The following CBX3 variants were observed in gnomAD, a reference collection of about 807,000 sequenced individuals.
CBX3 encodes chromobox 3, also known as chromobox protein homolog 3.
In CBX3, 5 loss-of-function variants were observed where a neutral mutation model predicts 22.6. The ratio of observed to expected loss-of-function variants is 0.22; its 90% CI spans 0.12 to 0.47. The LOEUF (loss-of-function observed/expected upper bound fraction) is 0.47, where lower values mean the gene tolerates loss of function less well. Ranked by LOEUF, CBX3 falls within the 20% of genes least tolerant of loss-of-function variation. CBX3 has a pLI of 0.99. For missense variants in CBX3, 83 were observed against 208.1 expected (o/e 0.40, Z 3.70); for synonymous variants, 50 against 66.6 (o/e 0.75, Z 1.21).
intron 3 of CBX3, among the ~76,000 whole-genome samples, chr7:26,207,066 A>G (rs1310642922): frequency 2.0e-5 from 3 of 152,176 alleles, no homozygotes; most frequent in East Asian, 3.8e-4. Context: ...ACAATTACAT[A>G]CTTTAACGCT....
In CBX3 at chr7:26,205,260, A is replaced by C. The variant is rs78856917; in HGVS notation, c.25-1108A>C. On this transcript the variant is annotated intron_variant, in intron 2 of 5. Coordinates refer to ENST00000396386, the MANE Select transcript of CBX3 (RefSeq NM_016587.4). The stretch of plus-strand genomic sequence containing the variant: ...TTGAGCCATTGGAAAGAGCTGGTTC[A>C]CGTTGGTTTCCTGCTTCTCTTAAAT... 2.3e-4 allele frequency among the ~76,000 whole-genome samples: 35 copies of C among 152,278 alleles called. 1 individual carries two copies. In the East Asian group the frequency reaches 6.6e-3, roughly 29 times the overall value.
chr7:26,212,639 T>C lies in CBX3; in HGVS notation c.*431T>C, dbSNP rs1265570698. ...ATCCATAAAATGCATATGTAAATTT[T>C]TTTTTGTTTTTAAGCATTCACCCAA... On this transcript the variant is annotated 3_prime_UTR_variant, in exon 6 of 6. Coordinates refer to ENST00000396386, the MANE Select transcript of CBX3 (RefSeq NM_016587.4). The C allele has an allele frequency of 6.6e-6, 1 of 152,240 alleles. No individual in the cohort carries two copies. The highest frequency in any genetic ancestry group is 1.5e-5 in the Non-Finnish European group (1 of 68,058). 9.4% of individuals were successfully genotyped at this position (152,240 alleles called of 1,614,324 possible). A position where few individuals can be genotyped will look rare whatever the true frequency, so the allele number is the denominator to read the frequency against.
At chr7:26,202,609 T>C (rs1009447762) in intron 1 of CBX3, 3 of 234,508 alleles carry the variant, frequency 1.3e-5, no homozygotes, top group Non-Finnish European at 2.5e-5. Context: ...GCTTTACCGT[T>C]GTGAGTTGTT....
chr7:26,207,339 T>TTTAA (rs1784701833), intron 3 of CBX3, among the ~76,000 whole-genome samples: 1 of 152,190 alleles, frequency 6.6e-6, no homozygotes, highest in Non-Finnish European at 1.5e-5. Context: ...TATTCTTAGT[T>TTTAA]TAAATTAAGT....
rs1391550415 is a variant in CBX3, at chr7:26,211,689, G to A, written c.358G>A (p.Gly120Ser). Residue 120 changes from glycine to serine, a missense_variant, in exon 5 of 6, where the codon GGT (glycine) becomes AGT (serine). Gly to Ser is a moderately conservative substitution (Grantham distance 56). Coordinates refer to ENST00000396386, the MANE Select transcript of CBX3 (RefSeq NM_016587.4). ...AADKPRGFAR[G>S]LDPERIIGAT... is the part of the protein sequence containing the mutation. ...TGACAAACCAAGAGGATTTGCCAGAGGTCTTGATCCTGAAAGAATAATTGG... is the reference window on the plus strand; with the variant it reads ...TGACAAACCAAGAGGATTTGCCAGAAGTCTTGATCCTGAAAGAATAATTGG... 6.2e-7 allele frequency: 1 copy of A among 1,610,572 alleles called. No individual in the cohort carries two copies. The highest frequency in any genetic ancestry group is 8.5e-7 in the Non-Finnish European group (1 of 1,178,572).
intron 2 of CBX3, among the ~76,000 whole-genome samples, chr7:26,204,119 A>G (rs1392279021): frequency 2.6e-5 from 4 of 152,186 alleles, no homozygotes; most frequent in African/African-American, 9.7e-5. Flanking sequence ...CCACTTTTGG[A>G]AAAAAGTGCT....
chr7:26,205,875 C>T (rs1331283413), intron 2 of CBX3, among the ~76,000 whole-genome samples: 1 of 152,198 alleles, frequency 6.6e-6, no homozygotes, highest in Non-Finnish European at 1.5e-5. Context: ...CACTTCAGGT[C>T]AGGAGTTTGA....
At chr7:26,208,917 C>CTT (rs59657982) in intron 4 of CBX3, among the ~76,000 whole-genome samples, 482 of 27,946 alleles carry the variant, frequency 0.017, 165 homozygotes, top group African/African-American at 0.028. Context: ...CACGCCTGGC[C>CTT]TTTTTTTTTT....
intron 2 of CBX3, among the ~76,000 whole-genome samples, chr7:26,203,344 C>G (rs960728735): frequency 6.6e-6 from 1 of 152,066 alleles, no homozygotes; most frequent in Non-Finnish European, 1.5e-5. Flanking sequence ...TGGTAAAGCC[C>G]TTGTTGGTTG....
intron 2 of CBX3, among the ~76,000 whole-genome samples, chr7:26,204,534 T>C (rs1211127637): frequency 6.6e-6 from 1 of 152,200 alleles, no homozygotes; most frequent in African/African-American, 2.4e-5. Context: ...CTGCATGTTT[T>C]TGTATTTCAG....
intron 2 of CBX3, 33 bp from the exon 3 acceptor site, chr7:26,206,335 A>G: frequency 7.7e-7 from 1 of 1,297,860 alleles, no homozygotes; most frequent in Non-Finnish European, 1.0e-6. Context: ...TTCAAGAGGA[A>G]TATTTCTTAA....
In CBX3 at chr7:26,213,212, A is replaced by G. The variant is rs561094204; in HGVS notation, c.*1004A>G. ...CCCCAATTCATTACATGGAGGCTCA[A>G]TCTTGAGTTTGCTTTACTGGTTCAG... On this transcript the variant is annotated 3_prime_UTR_variant, in exon 6 of 6. Coordinates refer to ENST00000396386, the MANE Select transcript of CBX3 (RefSeq NM_016587.4). The G allele has an allele frequency of 6.5e-6, 1 of 152,834 alleles. No individual in the cohort carries two copies. Among genetic ancestry groups the G allele is most frequent in the Admixed American group, 6.5e-5 (1 of 15,312 alleles). The allele number at this position is 152,834 out of a possible 1,614,324, so 9.5% of individuals were successfully genotyped here. A position where few individuals can be genotyped will look rare whatever the true frequency, so the allele number is the denominator to read the frequency against.
chr7:26,209,187 G>A (rs749016767), intron 4 of CBX3, among the ~76,000 whole-genome samples: 7 of 152,060 alleles, frequency 4.6e-5, no homozygotes, highest in Admixed American at 3.9e-4. Context: ...GATTACAGGC[G>A]TGAACCACCA....
intron 1 of CBX3, chr7:26,202,760 C>T: frequency 1.9e-6 from 1 of 520,900 alleles, no homozygotes; most frequent in Non-Finnish European, 3.4e-6. Context: ...GTACCAGGAT[C>T]CCCAGTAAAG....
At position 26,205,563 on chromosome 7, in the gene CBX3, T is replaced by G. The variant is rs531210376; in HGVS notation, c.25-805T>G. Among the ~76,000 whole-genome samples, 14 of 152,344 alleles carry G rather than the reference T, an allele frequency of 9.2e-5. No individual in the cohort carries two copies. The East Asian group carries it at 2.7e-3, about 29-fold the overall frequency. Reference sequence around the variant, plus strand: ...GGTATCAGGATTTTGAACCATGTTTTCATTCTGCATTTATCTTTTCTCTGT... The same window carrying G: ...GGTATCAGGATTTTGAACCATGTTTGCATTCTGCATTTATCTTTTCTCTGT... On this transcript the variant is annotated intron_variant, in intron 2 of 5. Transcript: ENST00000396386.
intron 2 of CBX3, among the ~76,000 whole-genome samples, chr7:26,205,280 TTAAA>T (rs1183996210): frequency 1.3e-5 from 2 of 152,222 alleles, no homozygotes; most frequent in African/African-American, 2.4e-5. Flanking sequence ...CCTGCTTCTC[TTAAA>T]TAGTGTCATA....
chr7:26,207,595 T>A (rs1270701403), intron 3 of CBX3, among the ~76,000 whole-genome samples: 5 of 152,070 alleles, frequency 3.3e-5, no homozygotes, highest in Non-Finnish European at 7.4e-5. Context: ...CTCAGCTCAC[T>A]GCAACCTCTG....
chr7:26,203,087 C>A (rs565805693), intron 2 of CBX3, 65 bp downstream of exon 2: 3 of 1,005,378 alleles, frequency 3.0e-6, no homozygotes, highest in Non-Finnish European at 4.4e-6. Context: ...CACAGTATAA[C>A]TTTGCATCTC....
chr7:26,202,841 C>A (rs914975038), intron 1 of CBX3, 130 bp from the exon 2 acceptor site: 1 of 709,788 alleles, frequency 1.4e-6, no homozygotes, highest in Admixed American at 2.4e-5. Flanking sequence ...GAGCGCAGAT[C>A]TACTCTGGAT....
Sources: allele counts gnomAD v4.1 joint callset (sites outside exome capture counted in the v4.1 genomes callset), GRCh38; gene constraint gnomAD v4.1.1; transcripts MANE v1.5; gene names NCBI Gene and HGNC (gene_info 2026-07-23, HGNC 2026-07-21).